Variants in GRIN2B observed in about 807,000 individuals in gnomAD.
GRIN2B encodes the protein glutamate ionotropic receptor NMDA type subunit 2B.
In GRIN2B, 5 loss-of-function variants were observed where a neutral mutation model predicts 114.5. The observed-to-expected ratio is 0.04, with a 90% confidence interval of 0.02 to 0.09. The LOEUF (loss-of-function observed/expected upper bound fraction) is 0.09. Among genes scored for constraint, GRIN2B ranks in the 10% least tolerant of loss-of-function variants. The pLI, the probability that GRIN2B is intolerant of heterozygous loss-of-function variation, is 1.00. For synonymous variants in GRIN2B, 787 were observed against 745.1 expected (o/e 1.06, Z -0.92); for missense variants, 1,108 against 1,943.5 (o/e 0.57, Z 8.08).
intron 2 of GRIN2B, among the ~76,000 whole-genome samples, chr12:13,950,288 G>A (rs1399812495): frequency 1.3e-5 from 2 of 152,192 alleles, no homozygotes; most frequent in African/African-American, 4.8e-5. Context: ...AGTGTTTACT[G>A]AGACCCCAGC....
At chr12:13,962,499 C>T (rs1867712510) in intron 2 of GRIN2B, among the ~76,000 whole-genome samples, 1 of 152,200 alleles carries the variant, frequency 6.6e-6, no homozygotes, top group African/African-American at 2.4e-5. Context: ...CTACAAATAA[C>T]CTAAAACCAG....
At chr12:13,847,082 G>A (rs1426548562) in intron 3 of GRIN2B, among the ~76,000 whole-genome samples, 1 of 152,070 alleles carries the variant, frequency 6.6e-6, no homozygotes, top group Non-Finnish European at 1.5e-5. Flanking sequence ...ATAAGGGAGA[G>A]CCAGAATCAG....
chr12:13,850,001 A>T (rs543245967), intron 3 of GRIN2B, among the ~76,000 whole-genome samples: 1 of 152,296 alleles, frequency 6.6e-6, no homozygotes, highest in East Asian at 1.9e-4. Context: ...TTATCCTGGG[A>T]AAATAATAGG....
intron 13 of GRIN2B, among the ~76,000 whole-genome samples, chr12:13,565,819 C>T (rs1948631772): frequency 6.6e-6 from 1 of 152,172 alleles, no homozygotes; most frequent in Non-Finnish European, 1.5e-5. Context: ...GTCTCATTGT[C>T]TCACAGGGCA....
At chr12:13,729,090 G>C (rs1243853236) in intron 4 of GRIN2B, among the ~76,000 whole-genome samples, 1 of 152,190 alleles carries the variant, frequency 6.6e-6, no homozygotes, top group East Asian at 1.9e-4. Flanking sequence ...TGAAGTCAGA[G>C]ACAGAGTTAA....
rs866118451 is a variant in GRIN2B, at chr12:13,570,426, G to T, written c.2172-409C>A. Among the ~76,000 whole-genome samples the T allele has an allele frequency of 6.6e-5, 10 of 152,306 alleles. No individual in the cohort carries two copies. In the East Asian group the frequency reaches 9.6e-4, roughly 15 times the overall value. On this transcript the variant is annotated intron_variant, in intron 11 of 13. Transcript: ENST00000609686. ...TCTCAGTTTATTACAGTCTGGAGTG[G>T]GGATAAGTGTAGGTGTTTGTGTTTC... is the stretch of plus-strand genomic sequence containing the variant.
intron 5 of GRIN2B, among the ~76,000 whole-genome samples, chr12:13,618,892 AT>A (rs1949480684): frequency 6.6e-6 from 1 of 152,148 alleles, no homozygotes; most frequent in Non-Finnish European, 1.5e-5. Context: ...CAGACATAAC[AT>A]TTTGGCAGAG....
At chr12:13,861,093 C>T (rs866750366) in intron 3 of GRIN2B, among the ~76,000 whole-genome samples, 30 of 152,250 alleles carry the variant, frequency 2.0e-4, no homozygotes, top group Middle Eastern at 3.4e-3. Flanking sequence ...AAATTTATAT[C>T]TCATAAACTA....
intron 2 of GRIN2B, among the ~76,000 whole-genome samples, chr12:13,925,592 A>T (rs1387333980): frequency 1.3e-5 from 2 of 152,154 alleles, no homozygotes; most frequent in Non-Finnish European, 2.9e-5. Flanking sequence ...ATCAAGCTGA[A>T]TTCACCATCA....
At chr12:13,945,245 G>C (rs1867341592) in intron 2 of GRIN2B, among the ~76,000 whole-genome samples, 1 of 152,180 alleles carries the variant, frequency 6.6e-6, no homozygotes, top group Non-Finnish European at 1.5e-5. Flanking sequence ...TCTTGTTCCA[G>C]ATTCTTAATC....
intron 2 of GRIN2B, among the ~76,000 whole-genome samples, chr12:13,898,290 G>T (rs1288590551): frequency 1.3e-5 from 2 of 152,142 alleles, no homozygotes; most frequent in African/African-American, 4.8e-5. Flanking sequence ...AAATAATAAT[G>T]TCATTTATTG....
intron 5 of GRIN2B, among the ~76,000 whole-genome samples, chr12:13,642,390 G>T (rs1172980297): frequency 6.6e-6 from 1 of 152,118 alleles, no homozygotes. Context: ...CTGGCTTCTA[G>T]TTCCATCTCT....
At chr12:13,825,499 T>TGTGTGC (rs1422960626) in intron 3 of GRIN2B, among the ~76,000 whole-genome samples, 1 of 118,626 alleles carries the variant, frequency 8.4e-6, no homozygotes, top group Non-Finnish European at 1.9e-5. Context: ...ATATATTTTG[T>TGTGTGC]GTGTGTGTGT....
chr12:13,789,172 G>A (rs183099396), intron 3 of GRIN2B, among the ~76,000 whole-genome samples: 1 of 152,090 alleles, frequency 6.6e-6, no homozygotes, highest in Non-Finnish European at 1.5e-5. Context: ...GCATGTCAGA[G>A]GTTATAAACT....
chr12:13,748,931 T>C (rs944811607), intron 4 of GRIN2B, among the ~76,000 whole-genome samples: 1 of 152,248 alleles, frequency 6.6e-6, no homozygotes, highest in Non-Finnish European at 1.5e-5. Context: ...TTATTCATTG[T>C]TTATCTGAAA....
intron 3 of GRIN2B, among the ~76,000 whole-genome samples, chr12:13,823,868 C>T (rs1471305067): frequency 1.3e-5 from 2 of 152,012 alleles, no homozygotes; most frequent in Non-Finnish European, 2.9e-5. Flanking sequence ...AATGAGTGTT[C>T]AATTTTTTCA....
In GRIN2B at chr12:13,636,494, G is replaced by A. The variant is rs193292548; in HGVS notation, c.1126-19837C>T. On this transcript the variant is annotated intron_variant, in intron 5 of 13. Transcript: ENST00000609686. ...AGCAAGAGTGGATGCAAAAGACAAGGGAACAGGTGATGGGGACGTGACTGT... is the reference window on the plus strand; with the variant it reads ...AGCAAGAGTGGATGCAAAAGACAAGAGAACAGGTGATGGGGACGTGACTGT... Among the ~76,000 whole-genome samples the A allele has an allele frequency of 2.6e-4, 40 of 152,316 alleles. No homozygotes were observed. In the South Asian group the frequency reaches 6.2e-3, roughly 24 times the overall value.
intron 5 of GRIN2B, among the ~76,000 whole-genome samples, chr12:13,632,324 T>C (rs1949621847): frequency 1.3e-5 from 2 of 152,216 alleles, no homozygotes; most frequent in African/African-American, 4.8e-5. Flanking sequence ...CATGAGTCAC[T>C]TGTAAATAGA....
intron 3 of GRIN2B, among the ~76,000 whole-genome samples, chr12:13,854,773 T>C (rs1199325773): frequency 1.3e-5 from 2 of 152,152 alleles, no homozygotes; most frequent in Non-Finnish European, 2.9e-5. Context: ...GATCATACTG[T>C]TGATGGTTTG....
Sources: gnomAD v4.1 joint callset for allele counts (sites outside exome capture counted in the v4.1 genomes callset) on GRCh38, gnomAD v4.1.1 for gene constraint, MANE v1.5 for transcripts, NCBI Gene and HGNC (gene_info 2026-07-23, HGNC 2026-07-21) for gene names.